Variants in DGKG observed in about 807,000 individuals in gnomAD.
DGKG encodes the protein DAG kinase gamma.
Under a neutral mutation model 105.3 loss-of-function variants are expected in DGKG, and 78 were observed. The observed-to-expected ratio is 0.74, with a 90% CI of 0.62 to 0.89. The LOEUF (loss-of-function observed/expected upper bound fraction) is 0.89. Among genes scored for constraint, DGKG ranks in the 40% least tolerant of loss-of-function variants. DGKG has a pLI of 0.00. For missense variants in DGKG, 958 were observed against 1,020.1 expected (o/e 0.94, Z 0.83); for synonymous variants, 346 against 367.1 (o/e 0.94, Z 0.66).
At chr3:186,290,086 C>T (rs566426084) in intron 5 of DGKG, among the ~76,000 whole-genome samples, 2 of 152,194 alleles carry the variant, frequency 1.3e-5, no homozygotes, top group South Asian at 2.1e-4. Flanking sequence ...GCCTAGGAAA[C>T]GTGGCTGCAA....
intron 3 of DGKG, among the ~76,000 whole-genome samples, chr3:186,298,879 T>G (rs1248534493): frequency 6.6e-6 from 1 of 152,180 alleles, no homozygotes. Context: ...TGGGTGTGTG[T>G]TTCTGGCTCA....
At chr3:186,221,852 C>G (rs1719597440) in intron 20 of DGKG, among the ~76,000 whole-genome samples, 1 of 152,196 alleles carries the variant, frequency 6.6e-6, no homozygotes, top group Admixed American at 6.5e-5. Flanking sequence ...GGTCCACACC[C>G]TCACACTACC....
chr3:186,297,640 C>G (rs1723650823), intron 4 of DGKG, among the ~76,000 whole-genome samples, 157 bp from the exon 5 acceptor site: 1 of 152,154 alleles, frequency 6.6e-6, no homozygotes, highest in South Asian at 2.1e-4. Flanking sequence ...TTGGGATTGG[C>G]TGTGTCTCCC....
At chr3:186,236,183 G>A (rs1175995037) in intron 20 of DGKG, among the ~76,000 whole-genome samples, 1 of 152,146 alleles carries the variant, frequency 6.6e-6, no homozygotes, top group African/African-American at 2.4e-5. Flanking sequence ...AGAAGGATTT[G>A]GGCAGATTCA....
chr3:186,153,687 T>TCAAGAGAAG (rs1475233079), intron 24 of DGKG, among the ~76,000 whole-genome samples: 3 of 152,230 alleles, frequency 2.0e-5, no homozygotes, highest in Non-Finnish European at 2.9e-5. Flanking sequence ...TCTTATTACT[T>TCAAGAGAAG]CAAGAGAAGC....
At chr3:186,215,482 G>T (rs370242552) in intron 20 of DGKG, among the ~76,000 whole-genome samples, 13 of 152,032 alleles carry the variant, frequency 8.6e-5, no homozygotes, top group African/African-American at 3.1e-4. Context: ...GAGGGGGATG[G>T]GGTGATGGTA....
chr3:186,192,004 T>C (rs563208598), intron 21 of DGKG, among the ~76,000 whole-genome samples: 1 of 101,254 alleles, frequency 9.9e-6, no homozygotes, highest in African/African-American at 4.4e-5. Context: ...ACTTTCTTTT[T>C]TCTTCCTTTA....
rs1725035976 is a variant in DGKG at position 186,320,726 on chromosome 3, G to T, written c.-248-19C>A. 2.0e-5 allele frequency: 8 copies of T among 396,006 alleles called. No individual in the cohort carries two copies. In the South Asian group the frequency reaches 2.5e-4, roughly 13 times the overall value. 24.5% of individuals were successfully genotyped at this position (396,006 alleles called of 1,614,324 possible). A position where few individuals can be genotyped will look rare whatever the true frequency, so the allele number is the denominator to read the frequency against. On this transcript the variant is annotated intron_variant, in intron 1 of 24. Transcript: ENST00000265022. The stretch of plus-strand genomic sequence containing the variant: ...GCTCTTCCTAGATAGAAGCAGAAAA[G>T]ACATTGTAAATGAGAATGTTAAAAA...
At chr3:186,295,796 A>G (rs1428021526) in intron 5 of DGKG, among the ~76,000 whole-genome samples, 6 of 152,024 alleles carry the variant, frequency 3.9e-5, no homozygotes, top group Admixed American at 2.0e-4. Flanking sequence ...TGAAGGAGAT[A>G]ATGGCAGACC....
In DGKG at chr3:186,219,393, C is replaced by T. The variant is rs569694866; in HGVS notation, c.1827-7508G>A. 3.0e-4 allele frequency among the ~76,000 whole-genome samples: 46 copies of T among 152,276 alleles called. No homozygotes were observed. In the South Asian group the frequency reaches 8.9e-3, roughly 30 times the overall value. ...CAGGCACGCAGTGATCCTCAGGCACCGAGCTGTGCATGGAATCATCTTTTC... is the reference window on the plus strand; with the variant it reads ...CAGGCACGCAGTGATCCTCAGGCACTGAGCTGTGCATGGAATCATCTTTTC... On this transcript the variant is annotated intron_variant, in intron 20 of 24. Transcript: ENST00000265022.
chr3:186,197,359 C>A (rs1718230748), intron 21 of DGKG, among the ~76,000 whole-genome samples: 2 of 152,058 alleles, frequency 1.3e-5, no homozygotes, highest in African/African-American at 4.8e-5. Flanking sequence ...CAGATCAGAG[C>A]CGCAGATAGA....
chr3:186,322,713 T>C (rs1244961622), intron 1 of DGKG, among the ~76,000 whole-genome samples: 1 of 152,078 alleles, frequency 6.6e-6, no homozygotes, highest in African/African-American at 2.4e-5. Flanking sequence ...CCCTGAGCTC[T>C]CTCCTTGGTC....
rs758758009 is a variant in DGKG, at chr3:186,275,577, C to T, written c.880G>A (p.Gly294Ser). 6 of 1,614,124 alleles carry T rather than the reference C, an allele frequency of 3.7e-6. No homozygotes were observed. The highest frequency in any genetic ancestry group is 5.1e-6 in the Non-Finnish European group (6 of 1,180,020). ...YCNFCHIMLMGVRKQGLCCTY... is the reference protein window; with the variant it reads ...YCNFCHIMLMSVRKQGLCCTY... ...CAGCACAGGCCTTGCTTGCGGACGC[C>T]CATGAGCATGATATGGCAGAAGTTG... The change falls in exon 10 of 25, where the codon GGC becomes AGC. Residue 294 changes from glycine (G) to serine (S), a missense_variant. Gly to Ser is a moderately conservative substitution (Grantham distance 56, BLOSUM62 0). This residue lies in a region of DGKG where 643 missense variants were observed against 619.5 expected (regional missense o/e 1.04). Transcript: ENST00000265022.
At chr3:186,215,630 GC>G (rs1719247944) in intron 20 of DGKG, among the ~76,000 whole-genome samples, 2 of 151,958 alleles carry the variant, frequency 1.3e-5, no homozygotes, top group Admixed American at 1.3e-4. Flanking sequence ...ACTGGGAAGG[GC>G]CTGGACAAGG....
intron 16 of DGKG, among the ~76,000 whole-genome samples, chr3:186,258,655 C>A (rs1180549473): frequency 6.6e-6 from 1 of 152,120 alleles, no homozygotes; most frequent in Non-Finnish European, 1.5e-5. Context: ...ATGGTTGTGA[C>A]AGATGCCTCA....
chr3:186,235,671 G>A (rs748952055), intron 20 of DGKG, among the ~76,000 whole-genome samples: 1 of 152,224 alleles, frequency 6.6e-6, no homozygotes, highest in African/African-American at 2.4e-5. Flanking sequence ...GTATTCAAGA[G>A]AGGAAGCCCT....
At chr3:186,245,971 T>A (rs977945710) in intron 19 of DGKG, among the ~76,000 whole-genome samples, 1 of 152,184 alleles carries the variant, frequency 6.6e-6, no homozygotes, top group South Asian at 2.1e-4. Context: ...AAACAATTTT[T>A]AAATTTTTTT....
chr3:186,213,164 G>T (rs1398201309), intron 20 of DGKG, among the ~76,000 whole-genome samples: 1 of 152,186 alleles, frequency 6.6e-6, no homozygotes, highest in African/African-American at 2.4e-5. Flanking sequence ...ACTAATAAAT[G>T]ATGAAGAAAG....
In DGKG at chr3:186,148,518, C is replaced by G. The variant is rs767298561; in HGVS notation, c.*1572G>C. 4 of 985,400 alleles carry G rather than the reference C, an allele frequency of 4.1e-6. No individual in the cohort carries two copies. Among genetic ancestry groups the G allele is most frequent in the Non-Finnish European group, 4.8e-6 (4 of 829,938 alleles). 61.0% of individuals were successfully genotyped at this position (985,400 alleles called of 1,614,324 possible). On this transcript the variant is annotated 3_prime_UTR_variant, in exon 25 of 25. Transcript: ENST00000265022. The stretch of plus-strand genomic sequence containing the variant: ...ACGCATGTGCTGTACGTTTGTTCCT[C>G]CCTGGCAACCTGGATCCAAGTGGAC...
Sources: gnomAD v4.1 joint callset for allele counts (sites outside exome capture counted in the v4.1 genomes callset) on GRCh38, gnomAD v4.1.1 for gene constraint, gnomAD v4.1.1 regional missense constraint, MANE v1.5 for transcripts, NCBI Gene and HGNC (gene_info 2026-07-23, HGNC 2026-07-21) for gene names.